DLG1: variants seen among roughly 807,000 people sequenced by gnomAD.
The protein encoded by DLG1 is discs large MAGUK scaffold protein 1, also known as disks large homolog 1.
DLG1 carries 42 observed loss-of-function variants against 123.4 expected under a neutral mutation model. The ratio of observed to expected loss-of-function variants is 0.34; its 90% CI spans 0.27 to 0.44. The LOEUF is 0.44. DLG1 is among the 20% of genes least tolerant of loss of function. The probability of loss-of-function intolerance (pLI) is 1.00; values close to 1 mark genes in which losing one functional copy is unlikely to be tolerated. For synonymous variants in DLG1, 317 were observed against 356.2 expected, an observed-to-expected ratio of 0.89 and a Z score of 1.24; for missense variants, 942 against 1,082.6, an observed-to-expected ratio of 0.87 and a Z score of 1.82.
At chr3:197,176,345 G>C (rs907265585) in intron 5 of DLG1, among the ~76,000 whole-genome samples, 3 of 148,586 alleles carry the variant, frequency 2.0e-5, no homozygotes, top group Non-Finnish European at 4.5e-5. Context: ...ATTTACATGA[G>C]AGTTGACTGT....
intron 4 of DLG1, among the ~76,000 whole-genome samples, chr3:197,236,377 T>C (rs764212191): frequency 6.6e-6 from 1 of 152,046 alleles, no homozygotes; most frequent in Non-Finnish European, 1.5e-5. Flanking sequence ...AGAGAATTCA[T>C]CACCAGAAGA....
chr3:197,068,432 A>G (rs1741249726), intron 19 of DLG1: 1 of 1,036,632 alleles, frequency 9.6e-7, no homozygotes, highest in African/African-American at 1.6e-5. Context: ...AATCAACCAA[A>G]TGAATGACGG....
chr3:197,230,625 A>G (rs1030011767), intron 4 of DLG1, among the ~76,000 whole-genome samples: 4 of 152,182 alleles, frequency 2.6e-5, no homozygotes, highest in African/African-American at 9.6e-5. Flanking sequence ...TTTCTTTTTT[A>G]ATTCCTAGAT....
At chr3:197,251,512 A>G (rs1019768111) in intron 4 of DLG1, among the ~76,000 whole-genome samples, 3 of 152,200 alleles carry the variant, frequency 2.0e-5, no homozygotes, top group Non-Finnish European at 4.4e-5. Flanking sequence ...TCTTCAACAA[A>G]GATGCCAAGA....
intron 4 of DLG1, among the ~76,000 whole-genome samples, chr3:197,196,688 A>G (rs777543097): frequency 2.3e-4 from 35 of 152,336 alleles, no homozygotes; most frequent in Non-Finnish European, 3.8e-4. Flanking sequence ...TGGCACACCC[A>G]TCGTAGGAAA....
intron 14 of DLG1, among the ~76,000 whole-genome samples, chr3:197,102,822 C>T (rs920449536): frequency 1.3e-5 from 2 of 152,206 alleles, no homozygotes; most frequent in African/African-American, 2.4e-5. Flanking sequence ...TGTGCCACTG[C>T]ACTCCAGCCT....
At chr3:197,231,708 AAACAACAAAAAAC>A (rs1233413109) in intron 4 of DLG1, among the ~76,000 whole-genome samples, 2 of 144,148 alleles carry the variant, frequency 1.4e-5, no homozygotes, top group East Asian at 4.6e-4. Flanking sequence ...AAAAAAAAAA[AAACAACAAAAAAC>A]AAAACAACAA....
intron 14 of DLG1, among the ~76,000 whole-genome samples, chr3:197,092,652 A>G (rs1340035760): frequency 1.3e-5 from 2 of 152,054 alleles, no homozygotes; most frequent in Non-Finnish European, 2.9e-5. Flanking sequence ...GTGCACCAAC[A>G]TGCTTGGCTA....
At chr3:197,152,132 C>T (rs1794176893) in intron 5 of DLG1, among the ~76,000 whole-genome samples, 1 of 152,080 alleles carries the variant, frequency 6.6e-6, no homozygotes, top group East Asian at 1.9e-4. Flanking sequence ...ACACAGTCCC[C>T]CTGGGTAAAG....
intron 19 of DLG1, among the ~76,000 whole-genome samples, chr3:197,068,977 C>CAT (rs1020062171): frequency 1.5e-4 from 23 of 150,932 alleles, no homozygotes; most frequent in Non-Finnish European, 3.2e-4. Flanking sequence ...AATACATATA[C>CAT]ATATACATAT....
At chr3:197,274,668 G>A (rs1447842826) in intron 4 of DLG1, among the ~76,000 whole-genome samples, 1 of 152,110 alleles carries the variant, frequency 6.6e-6, no homozygotes, top group Non-Finnish European at 1.5e-5. Flanking sequence ...CAAAGGAAAC[G>A]ACCAACAGAG....
chr3:197,086,685 CTT>C (rs1754560644), intron 15 of DLG1, among the ~76,000 whole-genome samples: 1 of 152,068 alleles, frequency 6.6e-6, no homozygotes, highest in South Asian at 2.1e-4. Flanking sequence ...TCTTTCAAGT[CTT>C]TTCGTGGGGC....
In DLG1 at chr3:197,118,910, G is replaced by A. The variant is rs193284672; in HGVS notation, c.1286+500C>T. On this transcript the variant is annotated intron_variant, in intron 12 of 24. Transcript: ENST00000667157. ...TCTTAGTACCTAGGGAGGCAGATAC[G>A]GGAGGATAGCTTGAGTCTAGGAGTT... 5.9e-5 allele frequency among the ~76,000 whole-genome samples: 9 copies of A among 152,182 alleles called. No homozygotes were observed. The East Asian group carries it at 1.5e-3, about 26-fold the overall frequency.
At chr3:197,155,947 TATAA>T (rs528270321) in intron 5 of DLG1, among the ~76,000 whole-genome samples, 2 of 152,090 alleles carry the variant, frequency 1.3e-5, no homozygotes, top group African/African-American at 4.8e-5. Context: ...AGACCCTGCC[TATAA>T]ATAAATAAAT....
intron 13 of DLG1, 64 bp from the exon 14 acceptor site, chr3:197,105,069 T>A: frequency 8.3e-6 from 9 of 1,081,930 alleles, no homozygotes; most frequent in South Asian, 1.4e-5. Flanking sequence ...ATCACAATAG[T>A]CTATTCTTTG....
At chr3:197,249,957 T>C (rs1454568663) in intron 4 of DLG1, among the ~76,000 whole-genome samples, 1 of 152,120 alleles carries the variant, frequency 6.6e-6, no homozygotes, top group Non-Finnish European at 1.5e-5. Context: ...GCTAACATCA[T>C]ACTGAATGGG....
At chr3:197,249,169 A>G (rs780031838) in intron 4 of DLG1, among the ~76,000 whole-genome samples, 2 of 152,158 alleles carry the variant, frequency 1.3e-5, no homozygotes, top group Non-Finnish European at 2.9e-5. Context: ...CCTTTTAGCT[A>G]GGCTAAAAAA....
chr3:197,197,764 TTAATC>T (rs531499523), intron 4 of DLG1, among the ~76,000 whole-genome samples: 9 of 152,318 alleles, frequency 5.9e-5, no homozygotes, highest in African/African-American at 2.2e-4. Flanking sequence ...CAAAGCTACA[TTAATC>T]AAGACTATGG....
At chr3:197,125,750 G>A (rs904833856) in intron 11 of DLG1, among the ~76,000 whole-genome samples, 3 of 152,182 alleles carry the variant, frequency 2.0e-5, no homozygotes, top group Non-Finnish European at 4.4e-5. Flanking sequence ...CAGGGTGTTG[G>A]ATGAATCATT....
Sources: gnomAD v4.1 joint callset for allele counts (sites outside exome capture counted in the v4.1 genomes callset) on GRCh38, gnomAD v4.1.1 for gene constraint, MANE v1.5 for transcripts, NCBI Gene and HGNC (gene_info 2026-07-23, HGNC 2026-07-21) for gene names.